The following EDARADD variants were observed in gnomAD, a reference collection of about 807,000 sequenced individuals.
The protein encoded by EDARADD is ectodysplasin-A receptor-associated adapter protein.
In EDARADD, 20 loss-of-function variants were observed where a neutral mutation model predicts 25.6. That is an observed-to-expected ratio of 0.78 (90% CI 0.55 to 1.14). The LOEUF (loss-of-function observed/expected upper bound fraction) is 1.14. Ranked by LOEUF, EDARADD falls within the 50% of genes most tolerant of loss-of-function variation. The pLI, the probability that EDARADD is intolerant of heterozygous loss-of-function variation, is 0.00. For missense variants in EDARADD, 225 were observed against 270.1 expected (o/e 0.83, Z 1.17); for synonymous variants, 86 against 94.4 (o/e 0.91, Z 0.52).
At chr1:236,382,671 G>C (rs549745008) in intron 3 of EDARADD, among the ~76,000 whole-genome samples, 1 of 152,302 alleles carries the variant, frequency 6.6e-6, no homozygotes, top group South Asian at 2.1e-4. Flanking sequence ...TTGTTAGGTG[G>C]AACTGGGGCA....
intron 4 of EDARADD, 132 bp from the exon 5 acceptor site, chr1:236,468,099 T>C (rs1659263870): frequency 1.2e-6 from 1 of 823,710 alleles, no homozygotes; most frequent in South Asian, 1.4e-5. Context: ...AAAATGCCAT[T>C]CTCAAGATCC....
At chr1:236,452,506 C>CCA (rs1361234034) in intron 4 of EDARADD, among the ~76,000 whole-genome samples, 6 of 150,008 alleles carry the variant, frequency 4.0e-5, no homozygotes, top group African/African-American at 1.5e-4. Context: ...TCCCCCCTCT[C>CCA]TCTCTCTCTT....
chr1:236,375,130 G>A (rs909318227), intron 3 of EDARADD, among the ~76,000 whole-genome samples: 1 of 151,798 alleles, frequency 6.6e-6, no homozygotes, highest in African/African-American at 2.4e-5. Flanking sequence ...TACATTTACA[G>A]CTAATACAAA....
rs539727226 is a variant in EDARADD, at chr1:236,352,098, T to C, written c.-6+1259T>C. ...GCCAGCTTGGCCCACACCCTGGTTT[T>C]TTCAGGGTCTTATCAGCCCATAGCT... On this transcript the variant is annotated intron_variant, in intron 3 of 7. Transcript: ENST00000439430. Among the ~76,000 whole-genome samples the C allele has an allele frequency of 2.0e-5, 3 of 152,282 alleles. No individual in the cohort carries two copies. In the East Asian group the frequency reaches 5.8e-4, roughly 29 times the overall value.
chr1:236,368,883 C>T (rs1013527495), intron 3 of EDARADD, among the ~76,000 whole-genome samples: 8 of 152,132 alleles, frequency 5.3e-5, no homozygotes, highest in African/African-American at 1.9e-4. Flanking sequence ...AATCCATGAT[C>T]CAGCTATGTA....
At chr1:236,447,854 T>G (rs76806719) in intron 4 of EDARADD, among the ~76,000 whole-genome samples, 1 of 152,068 alleles carries the variant, frequency 6.6e-6, no homozygotes, top group Middle Eastern at 3.4e-3. Flanking sequence ...CTTTTTTTTT[T>G]GAGACAGTTT....
chr1:236,434,356 G>C (rs1286700363), intron 4 of EDARADD, among the ~76,000 whole-genome samples: 2 of 151,958 alleles, frequency 1.3e-5, no homozygotes, highest in Middle Eastern at 6.3e-3. Flanking sequence ...TCCTGGCTCG[G>C]CCTCCCTGGT....
At chr1:236,431,436 G>T (rs1310829432) in intron 4 of EDARADD, among the ~76,000 whole-genome samples, 1 of 152,114 alleles carries the variant, frequency 6.6e-6, no homozygotes, top group Non-Finnish European at 1.5e-5. Flanking sequence ...AAACATTAAG[G>T]TCTGACATTT....
chr1:236,467,833 C>T (rs1163842802), intron 4 of EDARADD, among the ~76,000 whole-genome samples: 1 of 151,916 alleles, frequency 6.6e-6, no homozygotes, highest in Non-Finnish European at 1.5e-5. Flanking sequence ...TCATAGCTCA[C>T]TGCAGCCTCC....
At chr1:236,405,777 C>CTTTTTTTTCTTTCT (rs1553265505) in intron 1 of EDARADD, among the ~76,000 whole-genome samples, 1 of 68,186 alleles carries the variant, frequency 1.5e-5, no homozygotes, top group African/African-American at 5.5e-5. Context: ...TTCTTTCTTT[C>CTTTTTTTTCTTTCT]TTTCTTTCTT....
At chr1:236,477,148 T>G (rs899318311) in intron 5 of EDARADD, among the ~76,000 whole-genome samples, 1 of 152,084 alleles carries the variant, frequency 6.6e-6, no homozygotes, top group African/African-American at 2.4e-5. Flanking sequence ...TCCAAACTTT[T>G]CTCCATGCTT....
intron 1 of EDARADD, among the ~76,000 whole-genome samples, chr1:236,406,484 T>A (rs567940147): frequency 6.6e-6 from 1 of 152,194 alleles, no homozygotes; most frequent in Non-Finnish European, 1.5e-5. Flanking sequence ...GGCTGTTTGG[T>A]ACAGCCCATT....
intron 4 of EDARADD, among the ~76,000 whole-genome samples, chr1:236,467,002 G>GC (rs1161155552): frequency 1.7e-4 from 26 of 152,008 alleles, no homozygotes; most frequent in African/African-American, 2.7e-4. Flanking sequence ...AGGAGGCGGA[G>GC]ATGCAGTGAG....
At chr1:236,464,021 TGAGGCCCTACA>T (rs1410545759) in intron 4 of EDARADD, among the ~76,000 whole-genome samples, 1 of 152,092 alleles carries the variant, frequency 6.6e-6, no homozygotes, top group Non-Finnish European at 1.5e-5. Context: ...ATGTCTAAGC[TGAGGCCCTACA>T]GATAAGAGAA....
intron 3 of EDARADD, among the ~76,000 whole-genome samples, chr1:236,385,659 G>A (rs540887365): frequency 1.1e-3 from 164 of 152,088 alleles, no homozygotes; most frequent in Non-Finnish European, 2.1e-3. Flanking sequence ...AGGAGACAGA[G>A]GTTTCAGTGA....
chr1:236,476,218 A>AAAT (rs1659500669), intron 5 of EDARADD, among the ~76,000 whole-genome samples: 1 of 151,694 alleles, frequency 6.6e-6, no homozygotes, highest in Admixed American at 6.6e-5. Context: ...ATAAATAAAT[A>AAAT]AATAAATAAA....
chr1:236,409,673 TGCC>T (rs982523260), intron 2 of EDARADD, among the ~76,000 whole-genome samples: 19 of 152,056 alleles, frequency 1.2e-4, no homozygotes, highest in Admixed American at 2.6e-4. Flanking sequence ...GCGATTCTCC[TGCC>T]TCAGCCTCCC....
chr1:236,400,410 G>A (rs369204163), intron 1 of EDARADD, among the ~76,000 whole-genome samples: 1 of 152,072 alleles, frequency 6.6e-6, no homozygotes, highest in African/African-American at 2.4e-5. Flanking sequence ...CCCCTGCTGC[G>A]GGGTCTGAGG....
chr1:236,353,698 A>AAAG (rs71963407), intron 3 of EDARADD, among the ~76,000 whole-genome samples: 5 of 145,010 alleles, frequency 3.4e-5, no homozygotes, highest in East Asian at 4.3e-4. Context: ...AAAAAAAAAA[A>AAAG]GATATTGGAC....
Sources: allele counts gnomAD v4.1 joint callset (sites outside exome capture counted in the v4.1 genomes callset), GRCh38; gene constraint gnomAD v4.1.1; transcripts MANE v1.5; gene names NCBI Gene and HGNC (gene_info 2026-07-23, HGNC 2026-07-21).